The following TMEM168 variants were observed in gnomAD, a reference collection of about 807,000 sequenced individuals.
TMEM168 encodes transmembrane protein 168.
Under a neutral mutation model 53.2 loss-of-function variants are expected in TMEM168, and 40 were observed. The observed-to-expected ratio is 0.75, with a 90% confidence interval of 0.58 to 0.98. The LOEUF is 0.98. TMEM168 is among the 50% of genes least tolerant of loss of function. The pLI, the probability that TMEM168 is intolerant of heterozygous loss-of-function variation, is 0.00. For synonymous variants in TMEM168, 282 were observed against 293.0 expected, an observed-to-expected ratio of 0.96 and a Z score of 0.38; for missense variants, 771 against 828.8, an observed-to-expected ratio of 0.93 and a Z score of 0.86.
rs1295679037 is a variant in TMEM168, at chr7:112,767,277, A to G, written c.2014T>C (p.Cys672Arg). Reference sequence around the variant, plus strand: ...CAACTCATTTTTAATCTTTTCAAGCACCTAAAACAAGTTTTGCAGATCCAA... The same window carrying G: ...CAACTCATTTTTAATCTTTTCAAGCGCCTAAAACAAGTTTTGCAGATCCAA... ...LFWICKTCFR[C>R]LKRLKMSWFL... is the part of the protein sequence containing the mutation. Residue 672 changes from cysteine to arginine, a missense_variant, in exon 5 of 5, where the codon TGC becomes CGC. Cys to Arg is a radical substitution (Grantham distance 180, BLOSUM62 -3). Transcript: ENST00000312814. 3 of 1,614,160 alleles carry G rather than the reference A, an allele frequency of 1.9e-6. No homozygotes were observed. Among genetic ancestry groups the G allele is most frequent in the East Asian group, 2.2e-5 (1 of 44,874 alleles).
At chr7:112,769,834 CA>C (rs1792884105) in intron 4 of TMEM168, among the ~76,000 whole-genome samples, 1 of 152,034 alleles carries the variant, frequency 6.6e-6, no homozygotes, top group African/African-American at 2.4e-5. Context: ...CAAGCAGAGG[CA>C]AAAATATTAG....
intron 1 of TMEM168, 126 bp from the exon 2 acceptor site, chr7:112,785,079 T>G (rs1371703001): frequency 3.3e-6 from 1 of 300,508 alleles, no homozygotes; most frequent in Non-Finnish European, 6.1e-6. Flanking sequence ...CAACCTGATT[T>G]GCAATATCTT....
Position 112,784,491 on chromosome 7 carries a change from G to A in TMEM168, c.335C>T (p.Ser112Leu). The part of the protein sequence containing the change: ...LLGLLCFLDN[S>L]SFKNDVKEES... Reference sequence around the variant, plus strand: ...TTCTTTTACATCATTTTTAAAGGATGAATTATCAAGAAAACATAGGAGGCC... The same window carrying A: ...TTCTTTTACATCATTTTTAAAGGATAAATTATCAAGAAAACATAGGAGGCC... Residue 112 changes from serine to leucine, a missense_variant, in exon 2 of 5, where the codon TCA (serine) becomes TTA (leucine). Ser to Leu is a moderately radical substitution (Grantham distance 145). Transcript: ENST00000312814. 6.2e-7 allele frequency: 1 copy of A among 1,614,034 alleles called. No individual in the cohort carries two copies. The highest frequency in any genetic ancestry group is 8.5e-7 in the Non-Finnish European group (1 of 1,179,948).
rs1792711755 is a variant in TMEM168 at position 112,763,940 on chromosome 7, A to C, written c.*3257T>G. The C allele has an allele frequency of 6.6e-6, 1 of 152,110 alleles. No individual in the cohort carries two copies. Among genetic ancestry groups the C allele is most frequent in the Non-Finnish European group, 1.5e-5 (1 of 67,988 alleles). 9.4% of individuals were successfully genotyped at this position (152,110 alleles called of 1,614,324 possible). ...GAATTTTGAATTTATTAAGAGCAAG[A>C]CAGAATTCTATGGAAATATAACCCC... On this transcript the variant is annotated 3_prime_UTR_variant, in exon 5 of 5. Transcript: ENST00000312814.
rs71155069 is a variant in TMEM168 at position 112,787,713 on chromosome 7, A to ATTTTTTTTTTTTTTTTT, written c.-129+2430_-129+2446dup. Reference sequence around the variant, plus strand: ...ACAGGCGTGAGCCACTGCGACTGGCATTTTTTTTTTTTTTTTTTTTTTTTT... The same window carrying ATTTTTTTTTTTTTTTTT: ...ACAGGCGTGAGCCACTGCGACTGGCATTTTTTTTTTTTTTTTTTTTTTTTTTTTTTTTTTTTTTTTTT... On this transcript the variant is annotated intron_variant, in intron 1 of 4. Transcript: ENST00000312814. Among the ~76,000 whole-genome samples, 9 of 38,788 alleles carry ATTTTTTTTTTTTTTTTT rather than the reference A, an allele frequency of 2.3e-4. 1 individual carries two copies. Among genetic ancestry groups the ATTTTTTTTTTTTTTTTT allele is most frequent in the African/African-American group, 3.2e-4 (3 of 9,356 alleles). The allele number at this position is 38,788 out of a possible 152,430, so 25.4% of individuals were successfully genotyped here.
chr7:112,772,657 T>TA (rs1792958013), intron 4 of TMEM168, 124 bp downstream of exon 4: 3 of 1,108,246 alleles, frequency 2.7e-6, no homozygotes, highest in Admixed American at 2.6e-5. Context: ...AAAAACAAAT[T>TA]AGAGTCATAT....
chr7:112,769,873 TAAG>T (rs971672536), intron 4 of TMEM168, among the ~76,000 whole-genome samples: 6 of 152,140 alleles, frequency 3.9e-5, no homozygotes, highest in Middle Eastern at 3.2e-3. Context: ...TCCATAAATA[TAAG>T]AAGACTACAT....
chr7:112,781,645 T>C (rs927939090), intron 2 of TMEM168, among the ~76,000 whole-genome samples: 2 of 151,510 alleles, frequency 1.3e-5, no homozygotes, highest in African/African-American at 2.4e-5. Flanking sequence ...GGCAATTCAA[T>C]AGGCGAAATG....
At position 112,790,196 on chromosome 7, in the gene TMEM168, C is replaced by T. The variant is rs182274130; in HGVS notation, c.-165G>A. 8.0e-3 allele frequency: 1,218 copies of T among 153,020 alleles called. 15 individuals carry two copies. Among genetic ancestry groups the T allele is most frequent in the Non-Finnish European group, 9.7e-3 (662 of 68,488 alleles). The allele number at this position is 153,020 out of a possible 1,614,324, so 9.5% of individuals were successfully genotyped here. A position where few individuals can be genotyped will look rare whatever the true frequency, so the allele number is the denominator to read the frequency against. On this transcript the variant is annotated 5_prime_UTR_variant, in exon 1 of 5. Coordinates refer to ENST00000312814, the MANE Select transcript of TMEM168 (RefSeq NM_022484.6). ...GTCGCCACCAACGCGCTCTCCCAACCCTCGGAGTCAGTTCCAAAACCAAAC... is the reference window on the plus strand; with the variant it reads ...GTCGCCACCAACGCGCTCTCCCAACTCTCGGAGTCAGTTCCAAAACCAAAC...
rs1278448339 is a variant in TMEM168 at position 112,763,401 on chromosome 7, T to C, written c.*3796A>G. ...TAGGATTCTAGATTTATTCACTCAG[T>C]CCAAAATATTTATTAAATGCTTCTC... On this transcript the variant is annotated 3_prime_UTR_variant, in exon 5 of 5. Coordinates refer to ENST00000312814, the MANE Select transcript of TMEM168 (RefSeq NM_022484.6). The C allele has an allele frequency of 6.6e-6, 1 of 152,034 alleles. No homozygotes were observed. Among genetic ancestry groups the C allele is most frequent in the Non-Finnish European group, 1.5e-5 (1 of 67,964 alleles). The allele number at this position is 152,034 out of a possible 1,614,324, so 9.4% of individuals were successfully genotyped here. A position where few individuals can be genotyped will look rare whatever the true frequency, so the allele number is the denominator to read the frequency against.
At position 112,764,728 on chromosome 7, in the gene TMEM168, G is replaced by A. The variant is rs186839974; in HGVS notation, c.*2469C>T. The A allele has an allele frequency of 1.3e-3, 202 of 151,712 alleles. No homozygotes were observed. In the Middle Eastern group the frequency reaches 0.014, roughly 10 times the overall value. 9.4% of individuals were successfully genotyped at this position (151,712 alleles called of 1,614,324 possible). ...GTTGGCCAGATGGTCTCCATCTCTT[G>A]ACCTTTTGATCCACCTGCCTCGGCC... On this transcript the variant is annotated 3_prime_UTR_variant, in exon 5 of 5. Coordinates refer to ENST00000312814, the MANE Select transcript of TMEM168 (RefSeq NM_022484.6).
intron 2 of TMEM168, among the ~76,000 whole-genome samples, chr7:112,779,732 T>C (rs1392476858): frequency 6.6e-6 from 1 of 152,228 alleles, no homozygotes; most frequent in East Asian, 1.9e-4. Flanking sequence ...AGCTGGGCTT[T>C]CAAGTCATGG....
At chr7:112,768,287 G>A (rs907403316) in intron 4 of TMEM168, among the ~76,000 whole-genome samples, 1 of 152,004 alleles carries the variant, frequency 6.6e-6, no homozygotes, top group Admixed American at 6.6e-5. Context: ...CATTTATACC[G>A]TCTATGGCTG....
chr7:112,782,210 G>A (rs890136172), intron 2 of TMEM168, among the ~76,000 whole-genome samples: 4 of 152,124 alleles, frequency 2.6e-5, no homozygotes, highest in Non-Finnish European at 5.9e-5. Flanking sequence ...TCAACTTTAG[G>A]AAAGAGTAGA....
chr7:112,787,342 A>G (rs1793409619), intron 1 of TMEM168, among the ~76,000 whole-genome samples: 1 of 150,056 alleles, frequency 6.7e-6, no homozygotes. Flanking sequence ...CCTAAATCCA[A>G]TGGGTACTTT....
chr7:112,790,047 T>G (rs1793504872), intron 1 of TMEM168, 113 bp downstream of exon 1: 1 of 152,246 alleles, frequency 6.6e-6, no homozygotes, highest in African/African-American at 2.4e-5. Flanking sequence ...GCAGGTATCC[T>G]ACCCCGGCCC....
At position 112,766,629 on chromosome 7, in the gene TMEM168, TAA is replaced by T. The variant is rs1792785954; in HGVS notation, c.*566_*567del. ...CTTGGGTTCTCTGCCACACTGGTAA[TAA>T]GTCACAACCAAGACATCTGAATGTG... On this transcript the variant is annotated 3_prime_UTR_variant, in exon 5 of 5. Transcript: ENST00000312814. 1 of 152,812 alleles carries T rather than the reference TAA, an allele frequency of 6.5e-6. No homozygotes were observed. The highest frequency in any genetic ancestry group is 2.4e-5 in the African/African-American group (1 of 41,454). The allele number at this position is 152,812 out of a possible 1,614,324, so 9.5% of individuals were successfully genotyped here.
At chr7:112,787,323 C>G (rs1793409460) in intron 1 of TMEM168, among the ~76,000 whole-genome samples, 1 of 151,628 alleles carries the variant, frequency 6.6e-6, no homozygotes, top group African/African-American at 2.4e-5. Context: ...TTGAAATGAC[C>G]TGTAAATTCC....
chr7:112,778,393 T>C (rs1369872972), intron 2 of TMEM168: 1 of 152,254 alleles, frequency 6.6e-6, no homozygotes, highest in Non-Finnish European at 1.5e-5. Flanking sequence ...TTTCCATTTA[T>C]TGAAGTCTTC....
Sources: gnomAD v4.1 joint callset for allele counts (sites outside exome capture counted in the v4.1 genomes callset) on GRCh38, gnomAD v4.1.1 for gene constraint, MANE v1.5 for transcripts, NCBI Gene and HGNC (gene_info 2026-07-23, HGNC 2026-07-21) for gene names.